REDIC1: variants seen among roughly 807,000 people sequenced by gnomAD.
REDIC1 encodes the protein regulator of DNA class I crossover intermediates 1.
At chr12:39,648,034 T>G in the REDIC1 span, 31 of 1,157,890 alleles carry the variant, frequency 2.7e-5, no homozygotes, top group African/African-American at 3.1e-4. Flanking sequence ...CATGAAACTC[T>G]TTTTTTCTTT....
At chr12:39,673,594 C>G in the REDIC1 span, among the ~76,000 whole-genome samples, 8 of 152,174 alleles carry the variant, frequency 5.3e-5, no homozygotes, top group African/African-American at 1.9e-4. Flanking sequence ...TTCTGTTTCT[C>G]AAACATGCTG....
At chr12:39,832,609 T>C in the REDIC1 span, among the ~76,000 whole-genome samples, 1 of 152,120 alleles carries the variant, frequency 6.6e-6, no homozygotes, top group Non-Finnish European at 1.5e-5. Flanking sequence ...CCACACACTA[T>C]GCTAGGTGCT....
the REDIC1 span, among the ~76,000 whole-genome samples, chr12:39,727,263 C>G: frequency 1.3e-5 from 2 of 152,102 alleles, no homozygotes; most frequent in Non-Finnish European, 2.9e-5. Flanking sequence ...AGGTTTTCTT[C>G]TAGGGTTTTT....
At chr12:39,725,975 C>T in the REDIC1 span, among the ~76,000 whole-genome samples, 1 of 152,034 alleles carries the variant, frequency 6.6e-6, no homozygotes, top group Non-Finnish European at 1.5e-5. Flanking sequence ...AACTGCACAT[C>T]AGCCAGTGTG....
chr12:39,883,161 T>C, the REDIC1 span, among the ~76,000 whole-genome samples: 3 of 152,182 alleles, frequency 2.0e-5, no homozygotes, highest in Non-Finnish European at 4.4e-5. Context: ...TTAATAATTA[T>C]AATAAGTAAC....
the REDIC1 span, among the ~76,000 whole-genome samples, chr12:39,674,861 G>A: frequency 6.6e-6 from 1 of 152,186 alleles, no homozygotes; most frequent in Non-Finnish European, 1.5e-5. Context: ...ACTGAACTCT[G>A]TAATAATTTT....
chr12:39,828,061 T>C, the REDIC1 span, among the ~76,000 whole-genome samples: 1 of 152,072 alleles, frequency 6.6e-6, no homozygotes, highest in Non-Finnish European at 1.5e-5. Context: ...AAACCACCAA[T>C]CAACCAACAA....
chr12:39,821,326 C>T, the REDIC1 span, among the ~76,000 whole-genome samples: 2 of 151,894 alleles, frequency 1.3e-5, no homozygotes, highest in South Asian at 2.1e-4. Flanking sequence ...AGGAGAATGG[C>T]GTGAACCCGG....
the REDIC1 span, chr12:39,650,360 C>A: frequency 1.2e-6 from 2 of 1,604,522 alleles, no homozygotes; most frequent in Non-Finnish European, 1.7e-6. This position sits in a 1 kb window ranked among gnomAD's most constrained non-coding sequence, Gnocchi z 4.3. Flanking sequence ...AACAGGTAAG[C>A]AAAGATGCTG....
At chr12:39,784,022 T>G in the REDIC1 span, among the ~76,000 whole-genome samples, 1 of 152,134 alleles carries the variant, frequency 6.6e-6, no homozygotes, top group Non-Finnish European at 1.5e-5. Flanking sequence ...TTACAAGGGA[T>G]GTGAAGGACC....
the REDIC1 span, among the ~76,000 whole-genome samples, chr12:39,722,086 A>T: frequency 5.9e-5 from 9 of 152,106 alleles, no homozygotes; most frequent in African/African-American, 1.7e-4. Context: ...AGGGCATTCT[A>T]GTATCTAACT....
At chr12:39,713,355 CATAT>C in the REDIC1 span, among the ~76,000 whole-genome samples, 1 of 137,848 alleles carries the variant, frequency 7.3e-6, no homozygotes, top group Admixed American at 7.2e-5. Flanking sequence ...TGTGTATACA[CATAT>C]ACGTGTATAC....
At chr12:39,907,763 C>T in the REDIC1 span, 1 of 152,274 alleles carries the variant, frequency 6.6e-6, no homozygotes, top group East Asian at 1.9e-4. Context: ...GGATTGGACA[C>T]ATGTCTTGGA....
chr12:39,829,225 C>G, the REDIC1 span, among the ~76,000 whole-genome samples: 1 of 151,590 alleles, frequency 6.6e-6, no homozygotes, highest in African/African-American at 2.4e-5. Context: ...TTCATTTATG[C>G]ATGTACTACA....
chr12:39,865,078 C>T, the REDIC1 span, among the ~76,000 whole-genome samples: 37 of 152,266 alleles, frequency 2.4e-4, 1 homozygote, highest in Non-Finnish European at 8.8e-5. Context: ...TTCACTAGCA[C>T]GTTCATTGTG....
chr12:39,895,047 GT>G, the REDIC1 span, among the ~76,000 whole-genome samples: 1 of 151,994 alleles, frequency 6.6e-6, no homozygotes, highest in African/African-American at 2.4e-5. Flanking sequence ...GGAACTTTTT[GT>G]TTTTGAGATG....
the REDIC1 span, among the ~76,000 whole-genome samples, chr12:39,655,621 A>C: frequency 6.6e-6 from 1 of 152,294 alleles, no homozygotes; most frequent in African/African-American, 2.4e-5. Context: ...CAAATATTAC[A>C]GTCTCAGGGA....
the REDIC1 span, among the ~76,000 whole-genome samples, chr12:39,880,364 A>C: frequency 3.3e-5 from 5 of 152,210 alleles, no homozygotes; most frequent in African/African-American, 1.2e-4. Flanking sequence ...AAATTAATGA[A>C]ATTTTCAAAC....
the REDIC1 span, among the ~76,000 whole-genome samples, chr12:39,690,960 G>A: frequency 1.3e-5 from 2 of 152,122 alleles, no homozygotes; most frequent in Non-Finnish European, 2.9e-5. Context: ...AAAGTTTTGT[G>A]TTCTTCTTGC....
Sources: gnomAD v4.1 joint callset for allele counts (sites outside exome capture counted in the v4.1 genomes callset) on GRCh38, gnomAD v4.1.1 for gene constraint, Gnocchi (gnomAD v3.1) non-coding constraint, MANE v1.5 for transcripts, NCBI Gene and HGNC (gene_info 2026-07-23, HGNC 2026-07-21) for gene names.